The following WSCD2 variants were observed in gnomAD, a reference collection of about 807,000 sequenced individuals.
WSCD2 encodes sialate:O-sulfotransferase 2.
In WSCD2, 28 loss-of-function variants were observed where a neutral mutation model predicts 55.7. That is an observed-to-expected ratio of 0.50 (90% CI 0.37 to 0.69). The LOEUF is 0.69. WSCD2 is among the 30% of genes least tolerant of loss of function. The pLI, the probability that WSCD2 is intolerant of heterozygous loss-of-function variation, is 0.00. For synonymous variants in WSCD2, 301 were observed against 301.9 expected, an observed-to-expected ratio of 1.00 and a Z score of 0.03; for missense variants, 616 against 762.1, an observed-to-expected ratio of 0.81 and a Z score of 2.26.
chr12:108,156,299 A>G (rs1878502643), intron 1 of WSCD2, among the ~76,000 whole-genome samples: 1 of 152,200 alleles, frequency 6.6e-6, no homozygotes, highest in Non-Finnish European at 1.5e-5. Flanking sequence ...AGTACCTCTG[A>G]GCTGTTTCCT....
chr12:108,155,764 G>A (rs1375140063), intron 1 of WSCD2, among the ~76,000 whole-genome samples: 1 of 152,210 alleles, frequency 6.6e-6, no homozygotes, highest in Non-Finnish European at 1.5e-5. Flanking sequence ...AAAGAGCACA[G>A]CCCAGTGCCT....
intron 2 of WSCD2, among the ~76,000 whole-genome samples, chr12:108,205,295 T>A (rs559374066): frequency 6.6e-6 from 1 of 152,164 alleles, no homozygotes; most frequent in African/African-American, 2.4e-5. Flanking sequence ...TCCGGGCCCT[T>A]TTCTCTTCTG....
At chr12:108,194,496 T>C (rs550245444) in intron 1 of WSCD2, among the ~76,000 whole-genome samples, 2 of 152,282 alleles carry the variant, frequency 1.3e-5, no homozygotes, top group African/African-American at 4.8e-5. Flanking sequence ...GCTCCATCAC[T>C]CACCAGCTGT....
At chr12:108,199,999 A>G (rs1884458235) in intron 2 of WSCD2, among the ~76,000 whole-genome samples, 1 of 152,240 alleles carries the variant, frequency 6.6e-6, no homozygotes. Context: ...GAATAGAGGT[A>G]ATGTGAATTT....
At chr12:108,222,306 C>A (rs1005896751) in intron 4 of WSCD2, among the ~76,000 whole-genome samples, 1 of 152,210 alleles carries the variant, frequency 6.6e-6, no homozygotes, top group Non-Finnish European at 1.5e-5. Context: ...AGATGAGGCT[C>A]AATAAGTTTT....
At chr12:108,227,829 A>T (rs186765388) in intron 6 of WSCD2, among the ~76,000 whole-genome samples, 1 of 152,222 alleles carries the variant, frequency 6.6e-6, no homozygotes. Context: ...AATGGTGATG[A>T]TAGTGATAAG....
intron 2 of WSCD2, among the ~76,000 whole-genome samples, chr12:108,201,313 AT>A (rs1884640090): frequency 1.3e-5 from 2 of 151,908 alleles, no homozygotes; most frequent in African/African-American, 2.4e-5. Flanking sequence ...CTCTGCTTCC[AT>A]TTTCACATGA....
chr12:108,235,512 G>A (rs1037193236), intron 7 of WSCD2, among the ~76,000 whole-genome samples: 18 of 152,032 alleles, frequency 1.2e-4, no homozygotes, highest in Non-Finnish European at 5.9e-5. Context: ...AAAGAACCCA[G>A]CATTCTTACT....
intron 1 of WSCD2, among the ~76,000 whole-genome samples, chr12:108,139,436 A>G (rs921477752): frequency 2.6e-5 from 4 of 152,186 alleles, no homozygotes; most frequent in Non-Finnish European, 5.9e-5. Context: ...TTCCCAGCTC[A>G]GGTTCAGGTG....
chr12:108,143,173 G>A (rs1043404740), intron 1 of WSCD2, among the ~76,000 whole-genome samples: 1 of 152,152 alleles, frequency 6.6e-6, no homozygotes, highest in Non-Finnish European at 1.5e-5. Flanking sequence ...CTTCATTTTA[G>A]ACTAGCTATC....
At chr12:108,244,558 C>G (rs767283813) in intron 8 of WSCD2, 3 of 702,898 alleles carry the variant, frequency 4.3e-6, no homozygotes, top group Admixed American at 4.0e-5. Context: ...TTATTTCGCT[C>G]GATTTGCACA....
rs1312960872 is a variant in WSCD2 at position 108,249,702 on chromosome 12, T to C, written c.*1359T>C. 2.6e-5 allele frequency: 4 copies of C among 152,620 alleles called. No homozygotes were observed. Among genetic ancestry groups the C allele is most frequent in the Admixed American group, 2.0e-4 (3 of 15,280 alleles). The allele number at this position is 152,620 out of a possible 1,614,324, so 9.5% of individuals were successfully genotyped here. A position where few individuals can be genotyped will look rare whatever the true frequency, so the allele number is the denominator to read the frequency against. On this transcript the variant is annotated 3_prime_UTR_variant, in exon 9 of 9. Coordinates refer to ENST00000547525, the MANE Select transcript of WSCD2 (RefSeq NM_014653.4). ...GTGCAGGTAAATGCTCATTCCCAAGTAGCAAAGAGACCATGGAGAAGGTGC... is the reference window on the plus strand; with the variant it reads ...GTGCAGGTAAATGCTCATTCCCAAGCAGCAAAGAGACCATGGAGAAGGTGC...
intron 1 of WSCD2, among the ~76,000 whole-genome samples, chr12:108,136,775 G>A (rs967699263): frequency 6.6e-6 from 1 of 150,518 alleles, no homozygotes; most frequent in African/African-American, 2.5e-5. Flanking sequence ...TTTCCCAGGT[G>A]GGGGTGATGC....
chr12:108,194,262 T>C (rs1442272929), intron 1 of WSCD2, among the ~76,000 whole-genome samples: 1 of 152,150 alleles, frequency 6.6e-6, no homozygotes, highest in Non-Finnish European at 1.5e-5. Context: ...CACCAGGCTC[T>C]CAGGTGATTC....
At chr12:108,165,714 C>T (rs1445557469) in intron 1 of WSCD2, among the ~76,000 whole-genome samples, 1 of 152,194 alleles carries the variant, frequency 6.6e-6, no homozygotes, top group African/African-American at 2.4e-5. Flanking sequence ...TGCAATTTTT[C>T]CCACATTTGC....
intron 7 of WSCD2, chr12:108,233,100 T>A (rs1304999597): frequency 5.1e-6 from 3 of 590,184 alleles, no homozygotes; most frequent in Non-Finnish European, 8.7e-6. Flanking sequence ...ATGTCCTGGA[T>A]ACTCCACTAG....
chr12:108,156,038 T>C (rs1358195396), intron 1 of WSCD2, among the ~76,000 whole-genome samples: 1 of 152,234 alleles, frequency 6.6e-6, no homozygotes, highest in African/African-American at 2.4e-5. Context: ...TCAAATGTAA[T>C]ATTTTGAAAG....
intron 2 of WSCD2, chr12:108,197,118 CAAATG>C (rs1487599282): frequency 5.3e-5 from 8 of 150,522 alleles, no homozygotes; most frequent in Non-Finnish European, 1.2e-4. Flanking sequence ...AAGATTAACA[CAAATG>C]GACATTTCAG....
At chr12:108,219,516 A>G (rs1887234772) in intron 4 of WSCD2, among the ~76,000 whole-genome samples, 1 of 152,094 alleles carries the variant, frequency 6.6e-6, no homozygotes, top group South Asian at 2.1e-4. Context: ...CTGCCCAAAC[A>G]ATCTCAGTGC....
Sources: allele counts gnomAD v4.1 joint callset (sites outside exome capture counted in the v4.1 genomes callset), GRCh38; gene constraint gnomAD v4.1.1; transcripts MANE v1.5; gene names NCBI Gene and HGNC (gene_info 2026-07-23, HGNC 2026-07-21).